Variants in NECTIN3 observed in about 807,000 individuals in gnomAD.
NECTIN3 encodes nectin-3.
A neutral mutation model predicts 49.4 loss-of-function variants in NECTIN3; 8 were observed. The observed-to-expected ratio is 0.16, with a 90% CI of 0.10 to 0.29. The LOEUF (loss-of-function observed/expected upper bound fraction) is 0.29. Among genes scored for constraint, NECTIN3 ranks in the 10% least tolerant of loss-of-function variants. The pLI, the probability that NECTIN3 is intolerant of heterozygous loss-of-function variation, is 1.00. For synonymous variants in NECTIN3, 277 were observed against 241.1 expected (o/e 1.15, Z -1.38); for missense variants, 581 against 654.6 (o/e 0.89, Z 1.23).
intron 5 of NECTIN3, among the ~76,000 whole-genome samples, chr3:111,131,156 A>T (rs2034374160): frequency 2.0e-5 from 3 of 152,046 alleles, no homozygotes; most frequent in Non-Finnish European, 4.4e-5. Flanking sequence ...AGAAGACTAA[A>T]ATATGCCTTT....
intron 6 of NECTIN3, chr3:111,145,117 T>G (rs2034843068): frequency 1.6e-5 from 23 of 1,410,636 alleles, no homozygotes; most frequent in Non-Finnish European, 2.2e-5. Context: ...CAGCTCCTCA[T>G]AAAGAACTTA....
chr3:111,096,626 G>A (rs958787104), intron 1 of NECTIN3, among the ~76,000 whole-genome samples: 2 of 152,186 alleles, frequency 1.3e-5, no homozygotes, highest in African/African-American at 4.8e-5. Context: ...GGGTCCCTCT[G>A]CTGTATGCAG....
intron 7 of NECTIN3, among the ~76,000 whole-genome samples, chr3:111,150,079 A>G (rs2034968821): frequency 6.6e-6 from 1 of 152,066 alleles, no homozygotes; most frequent in African/African-American, 2.4e-5. Context: ...AAGAAAATGT[A>G]AGTCTTTTAG....
chr3:111,187,751 T>C (rs2035747567), upstream of NECTIN3, among the ~76,000 whole-genome samples: 1 of 152,070 alleles, frequency 6.6e-6, no homozygotes, highest in African/African-American at 2.4e-5. Context: ...GGCAAAACAA[T>C]AGAGACTGGA....
chr3:111,131,778 G>A (rs1487918577), intron 5 of NECTIN3, among the ~76,000 whole-genome samples: 2 of 151,552 alleles, frequency 1.3e-5, no homozygotes, highest in African/African-American at 4.8e-5. Flanking sequence ...TGTCTTATTT[G>A]GTGAGAGCTC....
At chr3:111,133,493 TAATC>T (rs1458421015) in intron 5 of NECTIN3, 138 bp from the exon 6 acceptor site, 17 of 1,250,940 alleles carry the variant, frequency 1.4e-5, no homozygotes, top group African/African-American at 3.0e-5. Flanking sequence ...ATTCTAATCT[TAATC>T]AAATTAAGAA....
Position 111,135,942 on chromosome 3 carries a change from A to G in NECTIN3, c.*1727A>G, listed in dbSNP as rs1240657406. On this transcript the variant is annotated 3_prime_UTR_variant, in exon 6 of 6. Coordinates refer to ENST00000485303, the MANE Select transcript of NECTIN3 (RefSeq NM_015480.3). ...ATACAGATAAATAAAGTTCACTTAT[A>G]TCTTCTTACAAATGTCTGGGTTTTA... 3.2e-6 allele frequency: 3 copies of G among 925,226 alleles called. No individual in the cohort carries two copies. The highest frequency in any genetic ancestry group is 6.2e-5 in the Admixed American group (1 of 16,072). 57.3% of individuals were successfully genotyped at this position (925,226 alleles called of 1,614,324 possible).
intron 7 of NECTIN3, among the ~76,000 whole-genome samples, chr3:111,161,719 G>A (rs1448701880): frequency 1.3e-5 from 2 of 152,102 alleles, no homozygotes; most frequent in East Asian, 1.9e-4. Flanking sequence ...GGAAAAAATC[G>A]TCTTCCATGA....
chr3:111,142,135 T>A (rs568979761), downstream of NECTIN3, among the ~76,000 whole-genome samples: 4 of 152,096 alleles, frequency 2.6e-5, no homozygotes, highest in Admixed American at 2.6e-4. Context: ...TCCTTTGCTT[T>A]CATACTGGTT....
At chr3:111,072,246 C>T (rs1180282579) in intron 1 of NECTIN3, 69 bp downstream of exon 1, 5 of 1,484,486 alleles carry the variant, frequency 3.4e-6, no homozygotes, top group Non-Finnish European at 3.6e-6. Context: ...CCGCGGCCGG[C>T]TCTGCCAGCC....
chr3:111,139,113 A>G (rs1287358464), downstream of NECTIN3, among the ~76,000 whole-genome samples: 1 of 151,674 alleles, frequency 6.6e-6, no homozygotes, highest in Non-Finnish European at 1.5e-5. Flanking sequence ...ATCCTTCTTG[A>G]TATTATTTCA....
chr3:111,192,590 C>A (rs962554190), intron 1 of NECTIN3, among the ~76,000 whole-genome samples: 9 of 152,104 alleles, frequency 5.9e-5, no homozygotes, highest in Non-Finnish European at 1.2e-4. Context: ...TTTTATGAAA[C>A]CAATAACGGG....
At chr3:111,122,338 A>G in intron 4 of NECTIN3, 100 bp downstream of exon 4, 2 of 809,486 alleles carry the variant, frequency 2.5e-6, no homozygotes, top group Non-Finnish European at 1.9e-6. Context: ...GATTATAGTA[A>G]TAGCAGAAAA....
intron 7 of NECTIN3, among the ~76,000 whole-genome samples, chr3:111,165,533 T>G (rs906607213): frequency 6.6e-6 from 1 of 152,168 alleles, no homozygotes; most frequent in Non-Finnish European, 1.5e-5. Context: ...TAAGGAAATG[T>G]AAGGAGAAGA....
chr3:111,088,000 A>G (rs2032034210), intron 1 of NECTIN3, among the ~76,000 whole-genome samples: 1 of 152,094 alleles, frequency 6.6e-6, no homozygotes, highest in Non-Finnish European at 1.5e-5. Flanking sequence ...GCCTGGCAGA[A>G]GAAGCCTTTT....
intron 7 of NECTIN3, among the ~76,000 whole-genome samples, chr3:111,165,595 A>T (rs2035304147): frequency 6.6e-6 from 1 of 152,186 alleles, no homozygotes; most frequent in African/African-American, 2.4e-5. Flanking sequence ...CAGACTAGCC[A>T]TTGACAAAGC....
chr3:111,095,384 A>G (rs1454330497), intron 1 of NECTIN3, among the ~76,000 whole-genome samples: 2 of 152,206 alleles, frequency 1.3e-5, no homozygotes, highest in South Asian at 2.1e-4. Context: ...AATGGAAATT[A>G]TGGTGGAAGA....
At chr3:111,086,607 T>C (rs545902152) in intron 1 of NECTIN3, among the ~76,000 whole-genome samples, 147 of 152,304 alleles carry the variant, frequency 9.7e-4, no homozygotes, top group African/African-American at 3.5e-3. Flanking sequence ...CATTTTTCTA[T>C]CTCTGTACAA....
intron 1 of NECTIN3, chr3:111,193,079 T>C: frequency 1.2e-6 from 1 of 852,240 alleles, no homozygotes; most frequent in Non-Finnish European, 1.8e-6. Flanking sequence ...CATTCAATAG[T>C]TTTTGGCATA....
Sources: allele counts gnomAD v4.1 joint callset (sites outside exome capture counted in the v4.1 genomes callset), GRCh38; gene constraint gnomAD v4.1.1; transcripts MANE v1.5; gene names NCBI Gene and HGNC (gene_info 2026-07-23, HGNC 2026-07-21).